The following TMEM132A variants were observed in gnomAD, a reference collection of about 807,000 sequenced individuals.
TMEM132A encodes transmembrane protein 132A.
A neutral mutation model predicts 69.9 loss-of-function variants in TMEM132A; 48 were observed. That is an observed-to-expected ratio of 0.69 (90% confidence interval 0.55 to 0.87). TMEM132A has a LOEUF of 0.87. Among genes scored for constraint, TMEM132A ranks in the 40% least tolerant of loss-of-function variants. The probability of loss-of-function intolerance (pLI) is 0.00; values close to 1 mark genes in which losing one functional copy is unlikely to be tolerated. For synonymous variants in TMEM132A, 577 were observed against 613.7 expected (o/e 0.94, Z 0.88); for missense variants, 1,287 against 1,407.2 (o/e 0.91, Z 1.37).
chr11:60,929,082 CAAACT>C (rs112814977), intron 4 of TMEM132A, 122 bp downstream of exon 4: 380,205 of 923,368 alleles, frequency 0.41, 80,873 homozygotes, highest in South Asian at 0.47. Flanking sequence ...ATGTGTCCAC[CAAACT>C]AAACTCCTTC....
In TMEM132A at chr11:60,936,827, C is replaced by T. The variant is rs368115669; in HGVS notation, c.2992C>T (p.Arg998Cys). The part of the protein sequence containing the change: ...SILVAGEEDI[R>C]WVCEDMGLKD... The stretch of plus-strand genomic sequence containing the variant: ...CCTTGTGGCAGGCGAGGAGGACATC[C>T]GCTGGGTGTGTGAGGACATGGGGCT... The change falls in exon 11 of 11, where the codon CGC (arginine) becomes TGC (cysteine). Residue 998 changes from arginine (R) to cysteine (C), a missense_variant. Arg to Cys is a radical substitution (Grantham distance 180, BLOSUM62 -3). Transcript: ENST00000453848. 21 of 1,612,380 alleles carry T rather than the reference C, an allele frequency of 1.3e-5. No homozygotes were observed. In the Middle Eastern group the frequency reaches 5.0e-4, roughly 39 times the overall value.
At chr11:60,931,479 G>C (rs989305164) in intron 5 of TMEM132A, among the ~76,000 whole-genome samples, 2 of 152,212 alleles carry the variant, frequency 1.3e-5, no homozygotes, top group African/African-American at 4.8e-5. Flanking sequence ...GAGGCCAAGA[G>C]TGGGTCAGAG....
intron 4 of TMEM132A, 84 bp from the exon 5 acceptor site, chr11:60,930,426 C>A: frequency 6.8e-7 from 1 of 1,468,084 alleles, no homozygotes; most frequent in Non-Finnish European, 9.1e-7. Flanking sequence ...GGTCAGATGG[C>A]TTTGGCTCCT....
rs781189570 is a variant in TMEM132A, at chr11:60,927,830, G to A, written c.505G>A (p.Gly169Ser). 51 of 1,610,848 alleles carry A rather than the reference G, an allele frequency of 3.2e-5. No individual in the cohort carries two copies. The highest frequency in any genetic ancestry group is 4.2e-5 in the Non-Finnish European group (49 of 1,179,748). Residue 169 changes from glycine to serine, a missense_variant, in exon 3 of 11, where the codon GGC (glycine) becomes AGC (serine). By Grantham distance (56) the Gly-to-Ser change is moderately conservative. Coordinates refer to ENST00000453848, the MANE Select transcript of TMEM132A (RefSeq NM_178031.3). The stretch of plus-strand genomic sequence containing the variant: ...CCGGCTCCATGCCACACACCCTGCC[G>A]GCACTGCTCACCAAGCCTGCCGCTT... The part of the protein sequence containing the change: ...CARLHATHPA[G>S]TAHQACRFQP...
chr11:60,936,219 G>T lies in TMEM132A; in HGVS notation c.2384G>T (p.Arg795Leu), dbSNP rs758277226. 7 of 1,614,078 alleles carry T rather than the reference G, an allele frequency of 4.3e-6. No homozygotes were observed. The highest frequency in any genetic ancestry group is 5.9e-6 in the Non-Finnish European group (7 of 1,179,976). Residue 795 changes from arginine (R) to leucine (L), a missense_variant, in exon 11 of 11, where the codon CGG becomes CTG. Transcript: ENST00000453848. ...PATEATMGGKRQVAGSVGGNT... is the reference protein window; with the variant it reads ...PATEATMGGKLQVAGSVGGNT... ...ACAGAAGCCACCATGGGTGGTAAAC[G>T]GCAGGTGGCAGGCAGTGTCGGGGGC...
At position 60,937,005 on chromosome 11, in the gene TMEM132A, G is replaced by T; in HGVS notation, c.*98G>T. 1 of 1,308,920 alleles carries T rather than the reference G, an allele frequency of 7.6e-7. No homozygotes were observed. The highest frequency in any genetic ancestry group is 1.0e-6 in the Non-Finnish European group (1 of 978,466). The allele number at this position is 1,308,920 out of a possible 1,614,324, so 81.1% of individuals were successfully genotyped here. A position where few individuals can be genotyped will look rare whatever the true frequency, so the allele number is the denominator to read the frequency against. ...CCCCGCCACTCGTCTGGTGCTTGTT[G>T]ATCCAAGTCCCCTGCCTGGTCCCCC... On this transcript the variant is annotated 3_prime_UTR_variant, in exon 11 of 11. Transcript: ENST00000453848.
intron 4 of TMEM132A, among the ~76,000 whole-genome samples, chr11:60,930,256 G>A (rs1856446711): frequency 6.6e-6 from 1 of 152,166 alleles, no homozygotes; most frequent in Non-Finnish European, 1.5e-5. Flanking sequence ...ACCAGACCCT[G>A]GAGGGCCCCC....
At position 60,924,589 on chromosome 11, in the gene TMEM132A, G is replaced by A; in HGVS notation, c.-45G>A. 1 of 1,505,414 alleles carries A rather than the reference G, an allele frequency of 6.6e-7. No homozygotes were observed. Among genetic ancestry groups the A allele is most frequent in the African/African-American group, 1.4e-5 (1 of 70,960 alleles). 93.3% of individuals were successfully genotyped at this position (1,505,414 alleles called of 1,614,324 possible). A position where few individuals can be genotyped will look rare whatever the true frequency, so the allele number is the denominator to read the frequency against. The stretch of plus-strand genomic sequence containing the variant: ...GTGCGGGAGATGCCGTGCGGGACTG[G>A]GGCCACCTGAGCCGCCCGCCTCGTC... On this transcript the variant is annotated 5_prime_UTR_variant, in exon 1 of 11. Coordinates refer to ENST00000453848, the MANE Select transcript of TMEM132A (RefSeq NM_178031.3).
Position 60,931,899 on chromosome 11 carries a change from A to G in TMEM132A, c.1212+15A>G, listed in dbSNP as rs759081397. On this transcript the variant is annotated intron_variant, in intron 6 of 10. Transcript: ENST00000453848. ...CACTGGCCAAGGTAAGGAGACCTCC[A>G]TCTCTGCCTGGGAAGGCTGGAGGCC... is the stretch of plus-strand genomic sequence containing the variant. 17 of 1,614,082 alleles carry G rather than the reference A, an allele frequency of 1.1e-5. No homozygotes were observed. Among genetic ancestry groups the G allele is most frequent in the East Asian group, 8.9e-5 (4 of 44,896 alleles).
In TMEM132A at chr11:60,935,947, G is replaced by T; in HGVS notation, c.2112G>T (p.Leu704=). Residue 704 remains leucine (L), a synonymous_variant, in exon 11 of 11, where the codon CTG becomes CTT. Transcript: ENST00000453848. This position sits in a 1 kb window ranked among gnomAD's most constrained non-coding sequence, Gnocchi z 5.0. ...AELYDRRDLG[L]SVSAEEPGAI... Reference sequence around the variant, plus strand: ...TCTACGACCGCCGTGACCTGGGACTGTCCGTCTCAGCCGAGGAGCCTGGTG... The same window carrying T: ...TCTACGACCGCCGTGACCTGGGACTTTCCGTCTCAGCCGAGGAGCCTGGTG... 1 of 1,611,866 alleles carries T rather than the reference G, an allele frequency of 6.2e-7. No homozygotes were observed. Among genetic ancestry groups the T allele is most frequent in the Non-Finnish European group, 8.5e-7 (1 of 1,179,978 alleles).
In TMEM132A at chr11:60,935,905, T is replaced by C; in HGVS notation, c.2070T>C (p.Thr690=). The C allele has an allele frequency of 6.2e-7, 1 of 1,612,044 alleles. No individual in the cohort carries two copies. Among genetic ancestry groups the C allele is most frequent in the Non-Finnish European group, 8.5e-7 (1 of 1,179,988 alleles). ...TATGGCTGTCCTTCTCTGATCACAC[T>C]GTGGCCCCAGCTGAGCTCTACGACC... ...LSLWLSFSDH[T]VAPAELYDRR... Residue 690 remains threonine, a synonymous_variant, in exon 11 of 11, where the codon ACT becomes ACC. Coordinates refer to ENST00000453848, the MANE Select transcript of TMEM132A (RefSeq NM_178031.3). The surrounding 1 kb of genome is among the most constrained non-coding windows in gnomAD (Gnocchi z 5.0).
At chr11:60,927,176 A>G in intron 1 of TMEM132A, 28 bp from the exon 2 acceptor site, 1 of 1,553,372 alleles carries the variant, frequency 6.4e-7, no homozygotes, top group Non-Finnish European at 8.9e-7. Flanking sequence ...TGGAGCTGTC[A>G]TCATCTCTCC....
At chr11:60,930,166 G>A (rs752303395) in intron 4 of TMEM132A, among the ~76,000 whole-genome samples, 9 of 152,202 alleles carry the variant, frequency 5.9e-5, no homozygotes, top group African/African-American at 2.2e-4. Context: ...GTCACGAATG[G>A]GTGCCGTGTG....
intron 4 of TMEM132A, among the ~76,000 whole-genome samples, chr11:60,930,171 C>T (rs2074417): frequency 0.36 from 55,184 of 152,002 alleles, 10,391 homozygotes; most frequent in South Asian, 0.44. Flanking sequence ...GAATGGGTGC[C>T]GTGTGTGTGG....
Position 60,934,714 on chromosome 11 carries a change from G to A in TMEM132A, c.1786G>A (p.Glu596Lys), listed in dbSNP as rs373929510. 2.5e-6 allele frequency: 4 copies of A among 1,607,800 alleles called. No homozygotes were observed. In the East Asian group the frequency reaches 8.9e-5, roughly 36 times the overall value. ...RVLDSRVASL[E>K]GGRVVVGREP... is the part of the protein sequence containing the mutation. ...GCTGGACTCGCGTGTAGCCTCTCTGGAGGGTGGCCGTGTCGTGGTGGGCCG... is the reference window on the plus strand; with the variant it reads ...GCTGGACTCGCGTGTAGCCTCTCTGAAGGGTGGCCGTGTCGTGGTGGGCCG... The change falls in exon 9 of 11, where the codon GAG (glutamate) becomes AAG (lysine). Residue 596 changes from glutamate (E) to lysine (K), a missense_variant. By Grantham distance (56) the Glu-to-Lys change is moderately conservative. Coordinates refer to ENST00000453848, the MANE Select transcript of TMEM132A (RefSeq NM_178031.3).
At chr11:60,927,954 G>A in intron 3 of TMEM132A, 95 bp downstream of exon 3, 1 of 1,120,642 alleles carries the variant, frequency 8.9e-7, no homozygotes, top group East Asian at 2.6e-5. Context: ...CTCCTGGGAA[G>A]CGCGGGGGTT....
chr11:60,924,474 A>T lies in TMEM132A; in HGVS notation c.-160A>T, dbSNP rs1321638288. ...CCTCCCACCCCACTGCTCCCGCTCC[A>T]TTGTCTGGGAATTGCAGCCGCGGGG... On this transcript the variant is annotated 5_prime_UTR_variant, in exon 1 of 11. Coordinates refer to ENST00000453848, the MANE Select transcript of TMEM132A (RefSeq NM_178031.3). 7.3e-6 allele frequency: 3 copies of T among 410,764 alleles called. No individual in the cohort carries two copies. The highest frequency in any genetic ancestry group is 4.4e-5 in the East Asian group (1 of 22,888). The allele number at this position is 410,764 out of a possible 1,614,324, so 25.4% of individuals were successfully genotyped here.
rs1261702173 is a variant in TMEM132A at position 60,935,816 on chromosome 11, T to C, written c.2029-48T>C. The C allele has an allele frequency of 1.3e-6, 2 of 1,593,948 alleles. No individual in the cohort carries two copies. Among genetic ancestry groups the C allele is most frequent in the Admixed American group, 1.7e-5 (1 of 58,096 alleles). ...TCTGTGGGAGTGGTTTCTCTGTGCA[T>C]GCGTGCGTGCCCTCGCATGTCTCTG... On this transcript the variant is annotated intron_variant, in intron 10 of 10. Coordinates refer to ENST00000453848, the MANE Select transcript of TMEM132A (RefSeq NM_178031.3). This position sits in a 1 kb window ranked among gnomAD's most constrained non-coding sequence, Gnocchi z 5.0.
chr11:60,925,773 T>C (rs968499393), intron 1 of TMEM132A: 1 of 152,262 alleles, frequency 6.6e-6, no homozygotes, highest in African/African-American at 2.4e-5. Flanking sequence ...TCAAATCCAT[T>C]ATGCAGCAGC....
Sources: gnomAD v4.1 joint callset for allele counts (sites outside exome capture counted in the v4.1 genomes callset) on GRCh38, gnomAD v4.1.1 for gene constraint, Gnocchi (gnomAD v3.1) non-coding constraint, MANE v1.5 for transcripts, NCBI Gene and HGNC (gene_info 2026-07-23, HGNC 2026-07-21) for gene names.